The following ZNF385D variants were observed in gnomAD, a reference collection of about 807,000 sequenced individuals.
The protein encoded by ZNF385D is zinc finger protein 659.
A neutral mutation model predicts 35.8 loss-of-function variants in ZNF385D; 15 were observed. The observed-to-expected ratio is 0.42, with a 90% CI of 0.28 to 0.64. The LOEUF (loss-of-function observed/expected upper bound fraction) is 0.64, where lower values mean the gene tolerates loss of function less well. ZNF385D is among the 30% of genes least tolerant of loss of function. The pLI is 0.23. For missense variants in ZNF385D, 474 were observed against 494.6 expected (o/e 0.96, Z 0.39); for synonymous variants, 212 against 186.8 (o/e 1.13, Z -1.10).
intron 3 of ZNF385D, among the ~76,000 whole-genome samples, chr3:22,163,679 A>C (rs145218467): frequency 1.0e-3 from 158 of 152,330 alleles, no homozygotes; most frequent in African/African-American, 3.4e-3. Context: ...TTTTATTTGC[A>C]TCCTGAAAAT....
chr3:21,884,908 C>T (rs1306710178), intron 3 of ZNF385D, among the ~76,000 whole-genome samples: 2 of 99,874 alleles, frequency 2.0e-5, no homozygotes, highest in Non-Finnish European at 4.2e-5. Context: ...AATTTATCTG[C>T]ACTTTTTTTT....
chr3:21,522,452 G>GC (rs1400690355), intron 3 of ZNF385D, among the ~76,000 whole-genome samples: 1 of 152,042 alleles, frequency 6.6e-6, no homozygotes, highest in South Asian at 2.1e-4. Context: ...CATTTCTCCT[G>GC]CCTCAGCCTC....
intron 2 of ZNF385D, among the ~76,000 whole-genome samples, chr3:22,249,241 G>A (rs994737831): frequency 3.3e-5 from 5 of 152,074 alleles, no homozygotes; most frequent in Non-Finnish European, 7.4e-5. Flanking sequence ...GTTTTGGGAA[G>A]GATTTTTACA....
intron 3 of ZNF385D, among the ~76,000 whole-genome samples, chr3:22,162,013 G>C (rs1381067302): frequency 6.6e-6 from 1 of 152,126 alleles, no homozygotes; most frequent in African/African-American, 2.4e-5. Flanking sequence ...ATAAGACTTT[G>C]TAAGACTGTT....
intron 3 of ZNF385D, among the ~76,000 whole-genome samples, chr3:21,953,861 C>G (rs575483104): frequency 6.6e-6 from 1 of 152,002 alleles, no homozygotes; most frequent in African/African-American, 2.4e-5. Flanking sequence ...AACTCACTCA[C>G]GTATACACAC....
At chr3:22,282,773 A>G (rs532069546) in intron 2 of ZNF385D, among the ~76,000 whole-genome samples, 1 of 152,230 alleles carries the variant, frequency 6.6e-6, no homozygotes, top group Non-Finnish European at 1.5e-5. Flanking sequence ...AAATTATAAC[A>G]CAATGAAAAA....
intron 3 of ZNF385D, among the ~76,000 whole-genome samples, chr3:22,043,626 G>A (rs1165425006): frequency 6.6e-6 from 1 of 152,092 alleles, no homozygotes; most frequent in African/African-American, 2.4e-5. Flanking sequence ...TTCTCTTCTA[G>A]CAGAGGAGAG....
chr3:22,202,972 T>G (rs1696903013), intron 2 of ZNF385D, among the ~76,000 whole-genome samples: 1 of 152,160 alleles, frequency 6.6e-6, no homozygotes, highest in African/African-American at 2.4e-5. Context: ...GCCACAAAAA[T>G]TGTAACTCCT....
At chr3:21,934,418 TTGC>T (rs1397870354) in intron 3 of ZNF385D, among the ~76,000 whole-genome samples, 1 of 152,184 alleles carries the variant, frequency 6.6e-6, no homozygotes, top group Admixed American at 6.5e-5. Flanking sequence ...TTAAGCTATT[TTGC>T]TGCTTTTATA....
chr3:21,518,965 A>G (rs1707748017), intron 3 of ZNF385D, among the ~76,000 whole-genome samples: 1 of 152,208 alleles, frequency 6.6e-6, no homozygotes, highest in Non-Finnish European at 1.5e-5. Context: ...ATTATGAATA[A>G]AAATGAATAT....
chr3:22,043,374 G>A (rs1009531685), intron 3 of ZNF385D, among the ~76,000 whole-genome samples: 1 of 152,120 alleles, frequency 6.6e-6, no homozygotes, highest in Non-Finnish European at 1.5e-5. Context: ...ATTTTTTAAC[G>A]TACTGAAACC....
intron 2 of ZNF385D, among the ~76,000 whole-genome samples, chr3:21,641,892 AGGCAAG>A (rs1242930666): frequency 6.6e-6 from 1 of 152,108 alleles, no homozygotes; most frequent in African/African-American, 2.4e-5. Flanking sequence ...ACACATAAAT[AGGCAAG>A]CTGGAAGCTT....
intron 3 of ZNF385D, among the ~76,000 whole-genome samples, chr3:21,789,511 GAC>G (rs1450930817): frequency 1.3e-5 from 2 of 151,904 alleles, no homozygotes; most frequent in African/African-American, 2.4e-5. Flanking sequence ...CACACACACA[GAC>G]ACACACACAT....
chr3:21,469,688 C>T (rs1703761394), intron 4 of ZNF385D, among the ~76,000 whole-genome samples: 1 of 151,900 alleles, frequency 6.6e-6, no homozygotes, highest in African/African-American at 2.4e-5. Flanking sequence ...AACTCAATTA[C>T]TTAAAAAATG....
chr3:22,258,709 A>G (rs938164852), intron 2 of ZNF385D, among the ~76,000 whole-genome samples: 2 of 151,814 alleles, frequency 1.3e-5, no homozygotes, highest in Non-Finnish European at 2.9e-5. Context: ...TATTTGCCAC[A>G]TCAGAAATGA....
chr3:21,617,545 C>G (rs1011429944), intron 2 of ZNF385D, among the ~76,000 whole-genome samples: 1 of 152,128 alleles, frequency 6.6e-6, no homozygotes, highest in African/African-American at 2.4e-5. Context: ...GGAACAACCC[C>G]ACGAGAAAGA....
At chr3:22,247,350 T>C (rs1576558564) in intron 2 of ZNF385D, among the ~76,000 whole-genome samples, 1 of 152,216 alleles carries the variant, frequency 6.6e-6, no homozygotes, top group Admixed American at 6.5e-5. Flanking sequence ...ATATTTAGCA[T>C]GTAAATATAA....
At chr3:21,489,385 C>G (rs1705252904) in intron 4 of ZNF385D, among the ~76,000 whole-genome samples, 1 of 152,016 alleles carries the variant, frequency 6.6e-6, no homozygotes. Context: ...CTGGGTATAG[C>G]AAAGAGAGGA....
chr3:21,905,360 G>T (rs1042974577), intron 3 of ZNF385D, among the ~76,000 whole-genome samples: 1 of 151,992 alleles, frequency 6.6e-6, no homozygotes, highest in Non-Finnish European at 1.5e-5. Flanking sequence ...AGAGATAGCA[G>T]CAGACTTTTC....
Sources: gnomAD v4.1 joint callset for allele counts (sites outside exome capture counted in the v4.1 genomes callset) on GRCh38, gnomAD v4.1.1 for gene constraint, MANE v1.5 for transcripts, NCBI Gene and HGNC (gene_info 2026-07-23, HGNC 2026-07-21) for gene names.